The following MEAK7 variants were observed in gnomAD, a reference collection of about 807,000 sequenced individuals.
MEAK7 encodes the protein MTOR-associated protein MEAK7.
MEAK7 carries 68 observed loss-of-function variants against 40.5 expected under a neutral mutation model. The observed-to-expected ratio is 1.68, with a 90% CI of 1.38 to 2.06. The LOEUF (loss-of-function observed/expected upper bound fraction) is 2.06. MEAK7 is among the 30% of genes most tolerant of loss of function. MEAK7 has a pLI of 0.00. For synonymous variants in MEAK7, 338 were observed against 231.9 expected, an observed-to-expected ratio of 1.46 and a Z score of -4.16; for missense variants, 918 against 580.5, an observed-to-expected ratio of 1.58 and a Z score of -5.98.
At position 84,486,509 on chromosome 16, in the gene MEAK7, C is replaced by T. The variant is rs1020715865; in HGVS notation, c.958+122G>A. 16 of 1,456,264 alleles carry T rather than the reference C, an allele frequency of 1.1e-5. No homozygotes were observed. In the East Asian group the frequency reaches 2.7e-4, roughly 24 times the overall value. The allele number at this position is 1,456,264 out of a possible 1,614,324, so 90.2% of individuals were successfully genotyped here. A position where few individuals can be genotyped will look rare whatever the true frequency, so the allele number is the denominator to read the frequency against. The stretch of plus-strand genomic sequence containing the variant: ...TCACATTTTCCTATCGCCCCGACTG[C>T]GTCTAGAGAAACACTTGGAGAAGAT... On this transcript the variant is annotated intron_variant, in intron 5 of 7. Coordinates refer to ENST00000343629, the MANE Select transcript of MEAK7 (RefSeq NM_020947.4).
At chr16:84,483,887 G>C (rs141560369) in intron 5 of MEAK7, among the ~76,000 whole-genome samples, 11 of 152,188 alleles carry the variant, frequency 7.2e-5, no homozygotes, top group African/African-American at 2.4e-4. Flanking sequence ...AAGGAGGATA[G>C]TTAGGCTAGA....
At chr16:84,495,331 A>T (rs775578137) in intron 3 of MEAK7, among the ~76,000 whole-genome samples, 1 of 152,218 alleles carries the variant, frequency 6.6e-6, no homozygotes, top group Non-Finnish European at 1.5e-5. Flanking sequence ...GATCATATGT[A>T]AAGTGCTGAT....
chr16:84,494,953 C>T (rs1409519761), intron 3 of MEAK7: 1 of 391,830 alleles, frequency 2.6e-6, no homozygotes, highest in African/African-American at 2.1e-5. Context: ...CCTAAGCAGA[C>T]AGCTACAGAT....
chr16:84,501,091 C>G (rs1456978328), intron 1 of MEAK7, among the ~76,000 whole-genome samples: 1 of 90,370 alleles, frequency 1.1e-5, no homozygotes, highest in Non-Finnish European at 2.1e-5. Flanking sequence ...TTAGACTCGT[C>G]TCAAAAAAAA....
At chr16:84,494,086 C>T (rs1190651778) in intron 3 of MEAK7, among the ~76,000 whole-genome samples, 3 of 152,194 alleles carry the variant, frequency 2.0e-5, no homozygotes, top group African/African-American at 7.2e-5. Flanking sequence ...TGTCTAATCT[C>T]AGACTCCTTA....
intron 6 of MEAK7, 76 bp downstream of exon 6, chr16:84,482,516 G>A: frequency 6.2e-7 from 1 of 1,609,478 alleles, no homozygotes. Context: ...CTGATCTGTG[G>A]AGCTGAGCCT....
intron 3 of MEAK7, among the ~76,000 whole-genome samples, chr16:84,493,088 G>A (rs1315612587): frequency 1.3e-5 from 2 of 152,162 alleles, no homozygotes; most frequent in African/African-American, 2.4e-5. Context: ...CCACATTTAT[G>A]TAAGTGTGTT....
intron 2 of MEAK7, chr16:84,497,501 G>A: frequency 1.5e-6 from 2 of 1,290,520 alleles, no homozygotes; most frequent in South Asian, 1.2e-5. Context: ...CACCGCGTCT[G>A]TCTCCCCATC....
chr16:84,490,856 T>A (rs1026370622), intron 3 of MEAK7, among the ~76,000 whole-genome samples: 3 of 152,102 alleles, frequency 2.0e-5, no homozygotes, highest in African/African-American at 7.2e-5. Context: ...CCTAAAATAA[T>A]GTCTAAGAGT....
In MEAK7 at chr16:84,480,696, G is replaced by C; in HGVS notation, c.1090C>G (p.Gln364Glu). ...TIPNGLGMGGQHNYFGLWVDV... is the reference protein window; with the variant it reads ...TIPNGLGMGGEHNYFGLWVDV... ...ACCCAAAGCCCAAAGTAATTGTGCT[G>C]CCCCCCCATACCCTGCAAAGGAAGC... Residue 364 changes from glutamine to glutamate, a missense_variant, in exon 7 of 8, where the codon CAG becomes GAG. Physicochemically the swap from Gln to Glu is conservative, Grantham distance 29 (BLOSUM62 2). Transcript: ENST00000343629. The C allele has an allele frequency of 6.2e-7, 1 of 1,612,526 alleles. No individual in the cohort carries two copies. Among genetic ancestry groups the C allele is most frequent in the African/African-American group, 1.3e-5 (1 of 74,920 alleles).
rs1193808155 is a variant in MEAK7 at position 84,478,468 on chromosome 16, C to CT, written c.*1444_*1445insA. On this transcript the variant is annotated 3_prime_UTR_variant, in exon 8 of 8. Transcript: ENST00000343629. ...AGCTCGATTTACTATGGCTTATAATCAAGGCAAACTATACAATAAGAGGTT... is the reference window on the plus strand; with the variant it reads ...AGCTCGATTTACTATGGCTTATAATCTAAGGCAAACTATACAATAAGAGGTT... 1.3e-5 allele frequency: 2 copies of CT among 152,226 alleles called. No homozygotes were observed. Among genetic ancestry groups the CT allele is most frequent in the Non-Finnish European group, 2.9e-5 (2 of 68,048 alleles). 9.4% of individuals were successfully genotyped at this position (152,226 alleles called of 1,614,324 possible).
rs956676730 is a variant in MEAK7, at chr16:84,489,329, G to C, written c.478C>G (p.Pro160Ala). ...TGAGCAGCCAGCACCTGCACCCGGG[G>C]GTTGGGCCCTGGGGCTTCCTTCCCA... is the stretch of plus-strand genomic sequence containing the variant. ...WTGKEAPGPN[P>A]RVQVLAAQLL... The change falls in exon 4 of 8, where the codon CCC (proline) becomes GCC (alanine). Residue 160 changes from proline (P) to alanine (A), a missense_variant. By Grantham distance (27) the Pro-to-Ala change is conservative (BLOSUM62 -1). Transcript: ENST00000343629. 4.3e-6 allele frequency: 7 copies of C among 1,614,048 alleles called. No homozygotes were observed. The highest frequency in any genetic ancestry group is 4.0e-5 in the African/African-American group (3 of 74,918).
At chr16:84,484,079 G>A (rs760753731) in intron 5 of MEAK7, among the ~76,000 whole-genome samples, 3 of 152,170 alleles carry the variant, frequency 2.0e-5, no homozygotes, top group South Asian at 2.1e-4. Context: ...TCAGGTAAGC[G>A]GCCCTTTGCT....
intron 5 of MEAK7, among the ~76,000 whole-genome samples, chr16:84,483,198 G>T (rs1003834364): frequency 1.3e-5 from 2 of 152,194 alleles, no homozygotes; most frequent in Admixed American, 1.3e-4. Context: ...GTCCCCAGGG[G>T]CACGGCCTAC....
intron 1 of MEAK7, among the ~76,000 whole-genome samples, chr16:84,500,451 A>G (rs1914404120): frequency 6.6e-6 from 1 of 152,114 alleles, no homozygotes; most frequent in South Asian, 2.1e-4. Flanking sequence ...AAAGCGAGTT[A>G]TTTCTCCGCC....
chr16:84,497,742 G>C, intron 2 of MEAK7, 192 bp downstream of exon 2: 1 of 1,338,794 alleles, frequency 7.5e-7, no homozygotes, highest in South Asian at 1.3e-5. Context: ...CGGCAGAGCA[G>C]AGGAGCTACA....
intron 4 of MEAK7, among the ~76,000 whole-genome samples, chr16:84,488,964 C>G (rs796245949): frequency 1.3e-5 from 2 of 151,900 alleles, no homozygotes; most frequent in African/African-American, 4.8e-5. Flanking sequence ...AGAAAGACAA[C>G]AGAAAATTAA....
intron 2 of MEAK7, among the ~76,000 whole-genome samples, chr16:84,496,419 C>T (rs1278667025): frequency 6.6e-6 from 1 of 152,134 alleles, no homozygotes; most frequent in Admixed American, 6.5e-5. Flanking sequence ...TGGAGCTACC[C>T]CTCCCTCCGT....
chr16:84,478,025 G>C lies in MEAK7; in HGVS notation c.*1888C>G, dbSNP rs1187528742. The C allele has an allele frequency of 1.3e-5, 2 of 149,756 alleles. No homozygotes were observed. The highest frequency in any genetic ancestry group is 2.0e-4 in the East Asian group (1 of 5,004). 9.3% of individuals were successfully genotyped at this position (149,756 alleles called of 1,614,324 possible). On this transcript the variant is annotated 3_prime_UTR_variant, in exon 8 of 8. Transcript: ENST00000343629. The stretch of plus-strand genomic sequence containing the variant: ...AGAAGCAGCAATCAATGGTCACCAA[G>C]GCACAGACACTGACGGACATTTAAT...
Sources: allele counts gnomAD v4.1 joint callset (sites outside exome capture counted in the v4.1 genomes callset), GRCh38; gene constraint gnomAD v4.1.1; transcripts MANE v1.5; gene names NCBI Gene and HGNC (gene_info 2026-07-23, HGNC 2026-07-21).